The following IPO11 variants were observed in gnomAD, a reference collection of about 807,000 sequenced individuals.
The protein encoded by IPO11 is importin 11.
In IPO11, 66 loss-of-function variants were observed where a neutral mutation model predicts 143.2. That is an observed-to-expected ratio of 0.46 (90% CI 0.38 to 0.57). IPO11 has a LOEUF of 0.57. Among genes scored for constraint, IPO11 ranks in the 20% least tolerant of loss-of-function variants. IPO11 has a pLI of 0.00. For synonymous variants in IPO11, 385 were observed against 377.8 expected (o/e 1.02, Z -0.22); for missense variants, 1,026 against 1,141.0 (o/e 0.90, Z 1.45).
At chr5:62,520,026 G>T (rs1366790557) in intron 20 of IPO11, among the ~76,000 whole-genome samples, 1 of 152,124 alleles carries the variant, frequency 6.6e-6, no homozygotes, top group Non-Finnish European at 1.5e-5. Flanking sequence ...ATCCCCCGAG[G>T]GTTTTAATCT....
At chr5:62,544,311 A>G (rs1019359291) in intron 24 of IPO11, among the ~76,000 whole-genome samples, 1 of 152,206 alleles carries the variant, frequency 6.6e-6, no homozygotes, top group Non-Finnish European at 1.5e-5. Context: ...ACACAAATCA[A>G]TAAATGTAAT....
chr5:62,479,221 A>G (rs545430171), intron 9 of IPO11, among the ~76,000 whole-genome samples: 2 of 152,266 alleles, frequency 1.3e-5, no homozygotes, highest in Admixed American at 1.3e-4. Flanking sequence ...TATGCTCAGA[A>G]TGATGGTTTC....
At chr5:62,574,293 C>T (rs1744240996) in intron 27 of IPO11, among the ~76,000 whole-genome samples, 1 of 152,128 alleles carries the variant, frequency 6.6e-6, no homozygotes, top group Non-Finnish European at 1.5e-5. Context: ...TAATTACTCC[C>T]TCCTCTCTTC....
At chr5:62,579,218 G>T (rs912216860) in intron 27 of IPO11, among the ~76,000 whole-genome samples, 15 of 151,962 alleles carry the variant, frequency 9.9e-5, no homozygotes, top group Non-Finnish European at 1.6e-4. Context: ...TTAATGGCCT[G>T]ATCATGTTAA....
At chr5:62,484,503 T>C (rs1746324535) in intron 11 of IPO11, among the ~76,000 whole-genome samples, 1 of 152,110 alleles carries the variant, frequency 6.6e-6, no homozygotes, top group South Asian at 2.1e-4. Flanking sequence ...TGTTATTTTT[T>C]ATTTGTAGAA....
At position 62,522,267 on chromosome 5, in the gene IPO11, G is replaced by A. The variant is rs1163105923; in HGVS notation, c.1897-3875G>A. ...GGGATTGTGTGTGTGGTGTGGTGGG[G>A]AGGCTTGCTGATTGTGGTGGGTTTT... On this transcript the variant is annotated intron_variant, in intron 20 of 29. Transcript: ENST00000325324. Among the ~76,000 whole-genome samples, 3 of 151,296 alleles carry A rather than the reference G, an allele frequency of 2.0e-5. No homozygotes were observed. The East Asian group carries it at 5.8e-4, about 29-fold the overall frequency.
intron 1 of IPO11, among the ~76,000 whole-genome samples, chr5:62,416,951 T>C (rs1463249008): frequency 9.2e-5 from 14 of 151,986 alleles, no homozygotes; most frequent in Non-Finnish European, 1.6e-4. Context: ...CAGGCTTGTC[T>C]CAAACTCCTG....
intron 1 of IPO11, among the ~76,000 whole-genome samples, chr5:62,423,614 T>G (rs1170862647): frequency 6.6e-6 from 1 of 152,198 alleles, no homozygotes; most frequent in East Asian, 1.9e-4. Context: ...AATTTTATGA[T>G]GAACCCCCAT....
intron 22 of IPO11, among the ~76,000 whole-genome samples, chr5:62,532,092 A>T (rs532953463): frequency 2.1e-4 from 32 of 152,292 alleles, no homozygotes; most frequent in African/African-American, 7.7e-4. Context: ...CTTTGTCGTG[A>T]ACAACATTCA....
chr5:62,488,371 G>A (rs549698111), intron 13 of IPO11, among the ~76,000 whole-genome samples: 6 of 152,268 alleles, frequency 3.9e-5, no homozygotes, highest in East Asian at 3.9e-4. Flanking sequence ...CATTGATCAC[G>A]TCTGTTTTGT....
At chr5:62,510,862 A>G (rs1423709741) in intron 19 of IPO11, among the ~76,000 whole-genome samples, 1 of 152,112 alleles carries the variant, frequency 6.6e-6, no homozygotes, top group Non-Finnish European at 1.5e-5. Flanking sequence ...CAGCAGGAGT[A>G]GCTGGGATTA....
intron 7 of IPO11, among the ~76,000 whole-genome samples, chr5:62,473,006 A>G (rs1303156942): frequency 6.6e-6 from 1 of 152,156 alleles, no homozygotes; most frequent in Non-Finnish European, 1.5e-5. Flanking sequence ...TTATAAAGTT[A>G]ACAGACTTAT....
chr5:62,536,306 G>A (rs1201872227), intron 22 of IPO11, among the ~76,000 whole-genome samples: 1 of 152,026 alleles, frequency 6.6e-6, no homozygotes, highest in Non-Finnish European at 1.5e-5. Flanking sequence ...AAATAGTTAG[G>A]TGGTTTTTTT....
chr5:62,447,993 G>A lies in IPO11; in HGVS notation c.240-1934G>A, dbSNP rs139719122. On this transcript the variant is annotated intron_variant, in intron 3 of 29. Transcript: ENST00000325324. ...GCCTCCCAGAGTGCAGGGATTACAG[G>A]CGTGAGCTACTGTGTCCAGCCTCAC... Among the ~76,000 whole-genome samples the A allele has an allele frequency of 7.3e-3, 1,105 of 152,292 alleles. 14 individuals carry two copies. The highest frequency in any genetic ancestry group is 0.025 in the African/African-American group (1,040 of 41,566).
At chr5:62,515,720 T>C (rs1424419304) in intron 20 of IPO11, among the ~76,000 whole-genome samples, 1 of 152,216 alleles carries the variant, frequency 6.6e-6, no homozygotes, top group Non-Finnish European at 1.5e-5. Flanking sequence ...TTATTCACTT[T>C]TAAATGTTGT....
At chr5:62,430,120 A>G (rs1322024358) in intron 1 of IPO11, among the ~76,000 whole-genome samples, 1 of 152,194 alleles carries the variant, frequency 6.6e-6, no homozygotes, top group Non-Finnish European at 1.5e-5. Flanking sequence ...GTTTTTGGCT[A>G]TTATGAATAA....
intron 27 of IPO11, chr5:62,581,325 T>G: frequency 1.4e-6 from 2 of 1,472,976 alleles, no homozygotes; most frequent in Non-Finnish European, 1.8e-6. Context: ...AAATATTGTC[T>G]ATAAGAAACT....
intron 1 of IPO11, among the ~76,000 whole-genome samples, chr5:62,429,175 C>G (rs1031455723): frequency 7.9e-5 from 12 of 152,160 alleles, no homozygotes; most frequent in Non-Finnish European, 1.3e-4. Context: ...CATTTCCCCC[C>G]AATTCCCCAG....
chr5:62,489,919 A>G (rs1350827117), intron 14 of IPO11, among the ~76,000 whole-genome samples, 196 bp from the exon 15 acceptor site: 1 of 152,216 alleles, frequency 6.6e-6, no homozygotes, highest in Non-Finnish European at 1.5e-5. Context: ...GAAAGTAGTA[A>G]GGAATATTTA....
Sources: gnomAD v4.1 joint callset for allele counts (sites outside exome capture counted in the v4.1 genomes callset) on GRCh38, gnomAD v4.1.1 for gene constraint, MANE v1.5 for transcripts, NCBI Gene and HGNC (gene_info 2026-07-23, HGNC 2026-07-21) for gene names.